Variants in QTMAN observed in about 807,000 individuals in gnomAD.
QTMAN encodes tRNA-queuosine alpha-mannosyltransferase.
chr2:144,278,824 A>G, the QTMAN span, among the ~76,000 whole-genome samples: 1 of 152,162 alleles, frequency 6.6e-6, no homozygotes, highest in African/African-American at 2.4e-5. Context: ...GTCAAGTGTG[A>G]TGTTCAAATA....
the QTMAN span, among the ~76,000 whole-genome samples, chr2:144,041,294 A>G: frequency 2.0e-5 from 3 of 152,302 alleles, no homozygotes; most frequent in African/African-American, 4.8e-5. Context: ...GTTCCTACAC[A>G]ATCGGGGAAG....
the QTMAN span, among the ~76,000 whole-genome samples, chr2:144,116,652 A>G: frequency 2.0e-5 from 3 of 152,200 alleles, no homozygotes; most frequent in African/African-American, 7.2e-5. Flanking sequence ...GAGAGAGAGC[A>G]CATGCAAGAG....
At chr2:144,198,847 T>C in the QTMAN span, among the ~76,000 whole-genome samples, 3 of 152,206 alleles carry the variant, frequency 2.0e-5, no homozygotes, top group South Asian at 6.2e-4. Context: ...TAACTCCTCC[T>C]AACTCAGAAT....
chr2:143,981,028 CTTTAAA>C, the QTMAN span, among the ~76,000 whole-genome samples: 7 of 152,338 alleles, frequency 4.6e-5, no homozygotes, highest in African/African-American at 1.7e-4. Flanking sequence ...CCACTACTTA[CTTTAAA>C]TTTGTTACTT....
the QTMAN span, among the ~76,000 whole-genome samples, chr2:144,220,549 A>G: frequency 1.3e-5 from 2 of 152,242 alleles, no homozygotes; most frequent in Non-Finnish European, 2.9e-5. Context: ...CTATAGCCAG[A>G]GTATTCCTTA....
the QTMAN span, among the ~76,000 whole-genome samples, chr2:144,133,237 TTATATATAAATATATATAAA>T: frequency 0.037 from 2,196 of 58,822 alleles, 169 homozygotes; most frequent in African/African-American, 0.18. Context: ...ATATTTATAT[TTATATATAAATATATATAAA>T]TATATATAAA....
chr2:144,316,879 T>C, the QTMAN span, among the ~76,000 whole-genome samples: 1 of 152,208 alleles, frequency 6.6e-6, no homozygotes, highest in Admixed American at 6.5e-5. Context: ...AGCTGTATGA[T>C]TCTCTATTTC....
the QTMAN span, among the ~76,000 whole-genome samples, chr2:144,321,811 T>C: frequency 7.4e-4 from 112 of 152,094 alleles, no homozygotes; most frequent in Non-Finnish European, 1.2e-3. Context: ...TCTGGCTATG[T>C]TGACCAGGCT....
the QTMAN span, among the ~76,000 whole-genome samples, chr2:144,182,780 G>A: frequency 3.1e-5 from 2 of 64,446 alleles, no homozygotes; most frequent in Non-Finnish European, 6.8e-5. Context: ...AAGTTATCAG[G>A]TACATTATAT....
chr2:144,171,631 T>C, the QTMAN span, among the ~76,000 whole-genome samples: 1 of 152,194 alleles, frequency 6.6e-6, no homozygotes, highest in Non-Finnish European at 1.5e-5. Flanking sequence ...GACATTTCAA[T>C]ATTTGGAGGA....
chr2:144,108,581 T>C, the QTMAN span, among the ~76,000 whole-genome samples: 1 of 145,310 alleles, frequency 6.9e-6, no homozygotes, highest in Non-Finnish European at 1.5e-5. Flanking sequence ...GAGCTTGGAG[T>C]GAGCCGAGAT....
At chr2:144,260,626 T>C in the QTMAN span, among the ~76,000 whole-genome samples, 1 of 152,020 alleles carries the variant, frequency 6.6e-6, no homozygotes, top group East Asian at 1.9e-4. Context: ...TAATGCCCAC[T>C]ATGTAGAAGT....
the QTMAN span, among the ~76,000 whole-genome samples, chr2:144,219,350 C>G: frequency 6.6e-6 from 1 of 152,046 alleles, no homozygotes; most frequent in African/African-American, 2.4e-5. Context: ...AGGCTGGTCT[C>G]GAACTCCTGA....
chr2:144,008,607 C>T, the QTMAN span, among the ~76,000 whole-genome samples: 1 of 152,024 alleles, frequency 6.6e-6, no homozygotes, highest in South Asian at 2.1e-4. Flanking sequence ...AGAAACTTGG[C>T]CTCCCTGAAT....
the QTMAN span, among the ~76,000 whole-genome samples, chr2:144,135,502 C>A: frequency 1.3e-5 from 2 of 152,138 alleles, no homozygotes; most frequent in African/African-American, 2.4e-5. Context: ...TCTTTAGGAC[C>A]ATTTTCATTT....
At chr2:144,071,654 C>T in the QTMAN span, among the ~76,000 whole-genome samples, 2 of 152,172 alleles carry the variant, frequency 1.3e-5, no homozygotes, top group Non-Finnish European at 2.9e-5. Context: ...GAAAAGCCTT[C>T]ATCTCAATGG....
chr2:144,172,661 T>A, the QTMAN span, among the ~76,000 whole-genome samples: 474 of 150,452 alleles, frequency 3.2e-3, 2 homozygotes, highest in Non-Finnish European at 5.4e-3. Flanking sequence ...TTAAGAAGCT[T>A]AACTTAGGAA....
At chr2:144,096,409 T>C in the QTMAN span, among the ~76,000 whole-genome samples, 1 of 152,182 alleles carries the variant, frequency 6.6e-6, no homozygotes, top group Non-Finnish European at 1.5e-5. Flanking sequence ...AAACACCATA[T>C]GGACCTAATT....
the QTMAN span, among the ~76,000 whole-genome samples, chr2:144,071,548 G>A: frequency 1.3e-5 from 2 of 152,060 alleles, no homozygotes; most frequent in African/African-American, 4.8e-5. Flanking sequence ...TAAATAAACT[G>A]ATTTGACCTT....
Sources: gnomAD v4.1 joint callset for allele counts (sites outside exome capture counted in the v4.1 genomes callset) on GRCh38, gnomAD v4.1.1 for gene constraint, MANE v1.5 for transcripts, NCBI Gene and HGNC (gene_info 2026-07-23, HGNC 2026-07-21) for gene names.